The following CRISPLD2 variants were observed in gnomAD, a reference collection of about 807,000 sequenced individuals.
The protein encoded by CRISPLD2 is cysteine-rich secretory protein LCCL domain-containing 2.
CRISPLD2 carries 47 observed loss-of-function variants against 71.1 expected under a neutral mutation model. That is an observed-to-expected ratio of 0.66 (90% CI 0.52 to 0.84). The LOEUF (loss-of-function observed/expected upper bound fraction) is 0.84, where lower values mean the gene tolerates loss of function less well. CRISPLD2 is among the 40% of genes least tolerant of loss of function. The probability of loss-of-function intolerance (pLI) is 0.00; values close to 1 mark genes in which losing one functional copy is unlikely to be tolerated. For synonymous variants in CRISPLD2, 317 were observed against 250.1 expected (o/e 1.27, Z -2.52); for missense variants, 830 against 651.1 (o/e 1.27, Z -2.99).
rs1052512545 is a variant in CRISPLD2 at position 84,872,314 on chromosome 16, T to A, written c.915-128T>A. ...TAAAGTCTGACTTGTCCAAAAACAA[T>A]GGAATCCACATGAATGAAGCTTTTC... On this transcript the variant is annotated intron_variant, in intron 8 of 14. Transcript: ENST00000262424. 7.5e-6 allele frequency: 6 copies of A among 799,072 alleles called. No individual in the cohort carries two copies. In the African/African-American group the frequency reaches 1.1e-4, roughly 14 times the overall value. The allele number at this position is 799,072 out of a possible 1,614,324, so 49.5% of individuals were successfully genotyped here.
intron 1 of CRISPLD2, among the ~76,000 whole-genome samples, chr16:84,831,629 C>T (rs1042980868): frequency 2.0e-5 from 3 of 152,178 alleles, no homozygotes; most frequent in Non-Finnish European, 4.4e-5. Flanking sequence ...TGGTCTCAAA[C>T]TCCTGAGCTC....
At chr16:84,885,085 C>T (rs1175639112) in intron 13 of CRISPLD2, among the ~76,000 whole-genome samples, 1 of 152,222 alleles carries the variant, frequency 6.6e-6, no homozygotes, top group East Asian at 1.9e-4. Flanking sequence ...TCTCTGGCTC[C>T]AATCAACCAT....
chr16:84,898,631 T>G (rs1159517957), intron 14 of CRISPLD2, among the ~76,000 whole-genome samples: 3 of 152,160 alleles, frequency 2.0e-5, no homozygotes, highest in Non-Finnish European at 4.4e-5. Context: ...TGAAACTGTT[T>G]CTTGCATATG....
At chr16:84,884,069 T>G (rs1415976737) in intron 13 of CRISPLD2, among the ~76,000 whole-genome samples, 6 of 152,162 alleles carry the variant, frequency 3.9e-5, no homozygotes, top group Non-Finnish European at 8.8e-5. Context: ...GGTCTCGAAC[T>G]CCTGACCTCA....
chr16:84,873,508 A>AC lies in CRISPLD2; in HGVS notation c.1112+386_1112+387insC, dbSNP rs1372576344. 214 of 157,454 alleles carry AC rather than the reference A, an allele frequency of 1.4e-3. 3 individuals carry two copies. The highest frequency in any genetic ancestry group is 2.8e-3 in the Middle Eastern group (1 of 354). 9.8% of individuals were successfully genotyped at this position (157,454 alleles called of 1,614,324 possible). A position where few individuals can be genotyped will look rare whatever the true frequency, so the allele number is the denominator to read the frequency against. ...AAAAAAAAAGAAAACAACAACAACA[A>AC]AAAAAAAAACAAAAAAAAAACCCAC... On this transcript the variant is annotated intron_variant, in intron 10 of 14. Transcript: ENST00000262424.
intron 1 of CRISPLD2, among the ~76,000 whole-genome samples, chr16:84,837,820 G>T (rs1008977507): frequency 6.6e-6 from 1 of 152,200 alleles, no homozygotes; most frequent in Admixed American, 6.5e-5. Flanking sequence ...TGTAGGTGCT[G>T]ATGAAGGGTT....
chr16:84,838,828 C>A (rs1400934939), intron 2 of CRISPLD2, 93 bp downstream of exon 2: 5 of 1,481,440 alleles, frequency 3.4e-6, no homozygotes, highest in Non-Finnish European at 4.6e-6. Flanking sequence ...GTTCCCCAGC[C>A]AGTGCGTGTG....
At chr16:84,877,375 C>A in intron 11 of CRISPLD2, 63 bp from the exon 12 acceptor site, 1 of 1,497,490 alleles carries the variant, frequency 6.7e-7, no homozygotes, top group Non-Finnish European at 9.3e-7. Flanking sequence ...CATTGCACAG[C>A]CTGGTAGCCT....
At chr16:84,889,915 C>T (rs955940361) in intron 14 of CRISPLD2, among the ~76,000 whole-genome samples, 7 of 152,064 alleles carry the variant, frequency 4.6e-5, no homozygotes, top group African/African-American at 1.7e-4. Flanking sequence ...CAGACCTGGG[C>T]CCTGTTTCTT....
At chr16:84,849,303 C>A in intron 3 of CRISPLD2, 82 bp from the exon 4 acceptor site, 1 of 1,397,336 alleles carries the variant, frequency 7.2e-7, no homozygotes, top group East Asian at 2.4e-5. Context: ...CTCCCTCCCT[C>A]CTACCTGCCC....
At chr16:84,897,545 A>G (rs2071717144) in intron 14 of CRISPLD2, among the ~76,000 whole-genome samples, 2 of 152,226 alleles carry the variant, frequency 1.3e-5, no homozygotes. Flanking sequence ...CAACCTCTGT[A>G]AACATTCCAG....
intron 1 of CRISPLD2, among the ~76,000 whole-genome samples, chr16:84,824,986 C>G (rs1296244572): frequency 6.6e-6 from 1 of 152,064 alleles, no homozygotes; most frequent in Non-Finnish European, 1.5e-5. Context: ...CACCTGTAGT[C>G]CCAGCTACTC....
chr16:84,836,842 T>A (rs1916633402), intron 1 of CRISPLD2, among the ~76,000 whole-genome samples: 1 of 152,120 alleles, frequency 6.6e-6, no homozygotes, highest in South Asian at 2.1e-4. Flanking sequence ...TGTGAAGAAC[T>A]GAGCCCCGTG....
chr16:84,876,360 G>C (rs1041105482), intron 11 of CRISPLD2, among the ~76,000 whole-genome samples: 1 of 151,932 alleles, frequency 6.6e-6, no homozygotes, highest in Admixed American at 6.6e-5. Context: ...AAATTATCCA[G>C]GTGTGGTGGC....
intron 6 of CRISPLD2, among the ~76,000 whole-genome samples, chr16:84,856,303 G>A (rs1005037526): frequency 5.9e-5 from 9 of 152,196 alleles, no homozygotes; most frequent in African/African-American, 2.2e-4. Context: ...CCTCCACTGT[G>A]GAGCGGTAGA....
At chr16:84,820,698 G>A (rs1384196117) in intron 1 of CRISPLD2, among the ~76,000 whole-genome samples, 1 of 152,220 alleles carries the variant, frequency 6.6e-6, no homozygotes, top group African/African-American at 2.4e-5. Flanking sequence ...GGCAGAGCCA[G>A]GGCTGGAACC....
chr16:84,892,027 C>G (rs770031237), intron 14 of CRISPLD2, among the ~76,000 whole-genome samples: 5 of 152,228 alleles, frequency 3.3e-5, no homozygotes, highest in African/African-American at 4.8e-5. Flanking sequence ...CTCAGACTCT[C>G]TGCTCCTCCG....
chr16:84,873,513 A>ACG (rs2071491489), intron 10 of CRISPLD2: 1 of 161,902 alleles, frequency 6.2e-6, no homozygotes, highest in African/African-American at 2.5e-5. Flanking sequence ...CAACAAAAAA[A>ACG]AAAACAAAAA....
chr16:84,906,444 C>T (rs1222263338), intron 14 of CRISPLD2, 144 bp from the exon 15 acceptor site: 4 of 707,722 alleles, frequency 5.7e-6, no homozygotes, highest in Non-Finnish European at 4.7e-6. Context: ...CTGTGTCTGG[C>T]GGCTTCAAGG....
Sources: gnomAD v4.1 joint callset for allele counts (sites outside exome capture counted in the v4.1 genomes callset) on GRCh38, gnomAD v4.1.1 for gene constraint, MANE v1.5 for transcripts, NCBI Gene and HGNC (gene_info 2026-07-23, HGNC 2026-07-21) for gene names.